TMEM204: variants seen among roughly 807,000 people sequenced by gnomAD.
TMEM204 encodes claudin-like protein 24.
Under a neutral mutation model 19.4 loss-of-function variants are expected in TMEM204, and 15 were observed. The observed-to-expected ratio is 0.77, with a 90% CI of 0.52 to 1.19. The LOEUF (loss-of-function observed/expected upper bound fraction) is 1.19. Ranked by LOEUF, TMEM204 falls within the 50% of genes most tolerant of loss-of-function variation. TMEM204 has a pLI of 0.00. For synonymous variants in TMEM204, 161 were observed against 146.0 expected (o/e 1.10, Z -0.74); for missense variants, 287 against 321.2 (o/e 0.89, Z 0.81).
At chr16:1,547,272 G>A (rs141833502) in intron 2 of TMEM204, among the ~76,000 whole-genome samples, 142 of 152,338 alleles carry the variant, frequency 9.3e-4, no homozygotes, top group African/African-American at 3.2e-3. Flanking sequence ...GCACTGGTCC[G>A]TCCCGATGCC....
chr16:1,536,244 C>T (rs571986236), intron 1 of TMEM204, among the ~76,000 whole-genome samples: 320 of 152,352 alleles, frequency 2.1e-3, no homozygotes, highest in African/African-American at 7.0e-3. Context: ...CTACCTCTTG[C>T]GTTCCTCCAG....
At chr16:1,544,480 T>C (rs377701306) in intron 2 of TMEM204, among the ~76,000 whole-genome samples, 5 of 148,078 alleles carry the variant, frequency 3.4e-5, no homozygotes, top group East Asian at 2.1e-4. Context: ...CCACCGCGCC[T>C]GGCCACGCCC....
chr16:1,543,671 G>A (rs1461969879), intron 2 of TMEM204, among the ~76,000 whole-genome samples: 1 of 152,232 alleles, frequency 6.6e-6, no homozygotes, highest in Admixed American at 6.5e-5. Flanking sequence ...ACAGGGATGT[G>A]GGACCTAGGA....
rs1300479768 is a variant in TMEM204, at chr16:1,551,935, G to T, written c.437-2847G>T. Among the ~76,000 whole-genome samples, 1 of 152,130 alleles carries T rather than the reference G, an allele frequency of 6.6e-6. No homozygotes were observed. Among genetic ancestry groups the T allele is most frequent in the Non-Finnish European group, 1.5e-5 (1 of 68,018 alleles). ...GTGTGTCCCTGGTGATGTCCCCGGG[G>T]CCTCTCCCTGGTGACGTGTGGCCCG... On this transcript the variant is annotated intron_variant, in intron 2 of 2. Transcript: ENST00000566264. This position sits in a 1 kb window ranked among gnomAD's most constrained non-coding sequence, Gnocchi z 4.0.
chr16:1,537,454 G>C (rs2031191278), intron 1 of TMEM204, among the ~76,000 whole-genome samples: 1 of 152,248 alleles, frequency 6.6e-6, no homozygotes. Flanking sequence ...CTGAACTCTG[G>C]TCAGGGCAAA....
intron 1 of TMEM204, among the ~76,000 whole-genome samples, chr16:1,535,354 G>A (rs2030959138): frequency 6.6e-6 from 1 of 152,194 alleles, no homozygotes; most frequent in Admixed American, 6.5e-5. Context: ...GGCGCTTACA[G>A]CCCATGGGGT....
At chr16:1,554,482 G>A (rs1026076781) in intron 2 of TMEM204, among the ~76,000 whole-genome samples, 9 of 152,154 alleles carry the variant, frequency 5.9e-5, no homozygotes, top group African/African-American at 1.7e-4. Context: ...GGAGCAGCAC[G>A]CCAGGACAGA....
At chr16:1,532,930 T>A (rs117977553), upstream of TMEM204, 11 of 152,452 alleles carry the variant, frequency 7.2e-5, 1 homozygote, top group Admixed American at 7.2e-4. Context: ...TTCCCATCAA[T>A]AGCAGAGGTG....
chr16:1,544,895 G>A (rs542049531), intron 2 of TMEM204, among the ~76,000 whole-genome samples: 52 of 150,990 alleles, frequency 3.4e-4, no homozygotes, highest in Admixed American at 5.3e-4. Flanking sequence ...TGATCCGCCC[G>A]CCTCGGCCTC....
rs550489351 is a variant in TMEM204, at chr16:1,551,631, C to T, written c.437-3151C>T. On this transcript the variant is annotated intron_variant, in intron 2 of 2. Coordinates refer to ENST00000566264, the MANE Select transcript of TMEM204 (RefSeq NM_024600.6). This position sits in a 1 kb window ranked among gnomAD's most constrained non-coding sequence, Gnocchi z 4.0. ...CGGCACTGCTGCAGACACCTTGAAA[C>T]GTCCAGCACATTCCTCACTGTCGAA... 1.9e-4 allele frequency among the ~76,000 whole-genome samples: 29 copies of T among 152,238 alleles called. No homozygotes were observed. Among genetic ancestry groups the T allele is most frequent in the Non-Finnish European group, 3.2e-4 (22 of 68,040 alleles).
intron 2 of TMEM204, among the ~76,000 whole-genome samples, chr16:1,545,508 A>C (rs1030872732): frequency 6.6e-6 from 1 of 151,936 alleles, no homozygotes; most frequent in African/African-American, 2.4e-5. Context: ...CTAATTTTAG[A>C]GTCGGGTTTT....
At position 1,551,462 on chromosome 16, in the gene TMEM204, G is replaced by A. The variant is rs931390256; in HGVS notation, c.437-3320G>A. Among the ~76,000 whole-genome samples, 5 of 152,188 alleles carry A rather than the reference G, an allele frequency of 3.3e-5. No individual in the cohort carries two copies. Among genetic ancestry groups the A allele is most frequent in the South Asian group, 2.1e-4 (1 of 4,828 alleles). ...CTGGGCCCCAGGGTGGCAGAAGGGC[G>A]GCCGCAGGTAGCAGGGGAGACCCTA... On this transcript the variant is annotated intron_variant, in intron 2 of 2. Transcript: ENST00000566264. This position sits in a 1 kb window ranked among gnomAD's most constrained non-coding sequence, Gnocchi z 4.0.
intron 1 of TMEM204, among the ~76,000 whole-genome samples, chr16:1,540,427 C>T (rs923850465): frequency 4.6e-5 from 7 of 152,238 alleles, no homozygotes; most frequent in South Asian, 4.1e-4. Context: ...CCCGTGCACG[C>T]GTGAACCTCG....
chr16:1,534,355 C>T lies in TMEM204; in HGVS notation c.80C>T (p.Thr27Ile), dbSNP rs1475453446. 6.2e-7 allele frequency: 1 copy of T among 1,612,782 alleles called. No homozygotes were observed. Among genetic ancestry groups the T allele is most frequent in the Non-Finnish European group, 8.5e-7 (1 of 1,179,902 alleles). The change falls in exon 1 of 3, where the codon ACC becomes ATC. Residue 27 changes from threonine to isoleucine, a missense_variant. By Grantham distance (89) the Thr-to-Ile change is moderately conservative. Coordinates refer to ENST00000566264, the MANE Select transcript of TMEM204 (RefSeq NM_024600.6). ...SLILNNVAAF[T>I]SNWVCQTLED... is the part of the protein sequence containing the mutation. Reference sequence around the variant, plus strand: ...ATCCTCAACAACGTGGCGGCCTTCACCTCCAACTGGGTGTGCCAGACGCTG... The same window carrying T: ...ATCCTCAACAACGTGGCGGCCTTCATCTCCAACTGGGTGTGCCAGACGCTG...
chr16:1,546,855 C>A (rs993813513), intron 2 of TMEM204, among the ~76,000 whole-genome samples: 1 of 152,256 alleles, frequency 6.6e-6, no homozygotes, highest in Non-Finnish European at 1.5e-5. Context: ...CAATGGGCAA[C>A]TCCTCAGCTG....
At chr16:1,552,502 C>T (rs1406399803) in intron 2 of TMEM204, among the ~76,000 whole-genome samples, 1 of 152,162 alleles carries the variant, frequency 6.6e-6, no homozygotes, top group Non-Finnish European at 1.5e-5. Flanking sequence ...TCAAAGTGCC[C>T]TCATTTTCCT....
rs961493274 is a variant in TMEM204, at chr16:1,551,859, T to A, written c.437-2923T>A. Among the ~76,000 whole-genome samples, 23 of 152,046 alleles carry A rather than the reference T, an allele frequency of 1.5e-4. No individual in the cohort carries two copies. The highest frequency in any genetic ancestry group is 6.5e-5 in the Admixed American group (1 of 15,270). ...TGCCTTAGAGTTTTCTTCCCGAGGT[T>A]TTCCTAGAAAGCCACTGTAAATCCG... On this transcript the variant is annotated intron_variant, in intron 2 of 2. Transcript: ENST00000566264. This position sits in a 1 kb window ranked among gnomAD's most constrained non-coding sequence, Gnocchi z 4.0.
chr16:1,552,702 G>T lies in TMEM204; in HGVS notation c.437-2080G>T, dbSNP rs539542314. 2.0e-5 allele frequency among the ~76,000 whole-genome samples: 3 copies of T among 146,762 alleles called. No individual in the cohort carries two copies. In the South Asian group the frequency reaches 6.4e-4, roughly 32 times the overall value. On this transcript the variant is annotated intron_variant, in intron 2 of 2. Transcript: ENST00000566264. ...CTCGCTCTGTCGCCAAGGCTGGAGT[G>T]CAGTGGCGTGATCTCGGCTCACTGC...
rs1346453208 is a variant in TMEM204 at position 1,548,375 on chromosome 16, G to T, written c.436+6299G>T. ...CCTGTGACAGAAGCTGAAGCCCCAA[G>T]AAGCCGCAGGAAGGAAAGGAGAGGG... On this transcript the variant is annotated intron_variant, in intron 2 of 2. Coordinates refer to ENST00000566264, the MANE Select transcript of TMEM204 (RefSeq NM_024600.6). 2.0e-5 allele frequency among the ~76,000 whole-genome samples: 3 copies of T among 152,222 alleles called. No homozygotes were observed. In the East Asian group the frequency reaches 5.8e-4, roughly 29 times the overall value.
Sources: gnomAD v4.1 joint callset for allele counts (sites outside exome capture counted in the v4.1 genomes callset) on GRCh38, gnomAD v4.1.1 for gene constraint, Gnocchi (gnomAD v3.1) non-coding constraint, MANE v1.5 for transcripts, NCBI Gene and HGNC (gene_info 2026-07-23, HGNC 2026-07-21) for gene names.